The following ABCG5 variants were observed in gnomAD, a reference collection of about 807,000 sequenced individuals.
The protein encoded by ABCG5 is ATP-binding cassette sub-family G member 5.
In ABCG5, 64 loss-of-function variants were observed where a neutral mutation model predicts 64.5. That is an observed-to-expected ratio of 0.99 (90% CI 0.81 to 1.22). ABCG5 has a LOEUF of 1.22. Ranked by LOEUF, ABCG5 falls within the 50% of genes most tolerant of loss-of-function variation. ABCG5 has a pLI of 0.00. For missense variants in ABCG5, 908 were observed against 829.5 expected (o/e 1.09, Z -1.16); for synonymous variants, 385 against 326.3 (o/e 1.18, Z -1.94).
chr2:43,819,787 G>C, intron 11 of ABCG5, 128 bp downstream of exon 11: 1 of 993,232 alleles, frequency 1.0e-6, no homozygotes, highest in Non-Finnish European at 1.6e-6. Context: ...CAGTATAAAT[G>C]CTCTAGACTA....
At chr2:43,836,602 A>C (rs1668283881) in intron 2 of ABCG5, among the ~76,000 whole-genome samples, 1 of 152,186 alleles carries the variant, frequency 6.6e-6, no homozygotes, top group African/African-American at 2.4e-5. Flanking sequence ...CGTCAGCTGC[A>C]GAAGATTCAC....
intron 4 of ABCG5, 36 bp downstream of exon 4, chr2:43,831,733 T>G: frequency 1.3e-6 from 2 of 1,542,636 alleles, no homozygotes; most frequent in Non-Finnish European, 1.8e-6. Flanking sequence ...GCAAAGGTAC[T>G]CAGTTTGCCC....
At chr2:43,830,910 G>A (rs1245966625) in intron 4 of ABCG5, among the ~76,000 whole-genome samples, 4 of 152,210 alleles carry the variant, frequency 2.6e-5, no homozygotes, top group Non-Finnish European at 5.9e-5. Context: ...CATTAACTCA[G>A]TCCAGTTTGG....
At chr2:43,822,699 G>A (rs924767810) in intron 10 of ABCG5, 98 bp downstream of exon 10, 11 of 1,509,974 alleles carry the variant, frequency 7.3e-6, no homozygotes, top group Non-Finnish European at 1.8e-6. Context: ...AGATCCTCCA[G>A]AGCAGAGAAC....
At chr2:43,822,187 T>A (rs1667254248) in intron 10 of ABCG5, among the ~76,000 whole-genome samples, 1 of 152,194 alleles carries the variant, frequency 6.6e-6, no homozygotes, top group South Asian at 2.1e-4. Context: ...CCTTCCCTTC[T>A]TGTAAACCTG....
rs754944007 is a variant in ABCG5, at chr2:43,828,472, CAAAAAAAA to C, written c.502-365_502-358del. On this transcript the variant is annotated intron_variant, in intron 4 of 12. Transcript: ENST00000405322. ...GCAACAAAGAGAGACCCTGTCTCTA[CAAAAAAAA>C]AAAAAAAAAAAAAGAAAGAAAAAAA... The C allele has an allele frequency of 3.5e-3, 660 of 189,824 alleles. 7 individuals are homozygous for C. The highest frequency in any genetic ancestry group is 0.024 in the African/African-American group (556 of 23,544). 11.8% of individuals were successfully genotyped at this position (189,824 alleles called of 1,614,324 possible).
intron 5 of ABCG5, 112 bp from the exon 6 acceptor site, chr2:43,826,633 G>T: frequency 6.6e-7 from 1 of 1,511,170 alleles, no homozygotes; most frequent in Non-Finnish European, 9.1e-7. Flanking sequence ...TTCAAACAGT[G>T]TGCGGTGGGA....
chr2:43,835,057 G>A (rs898687736), intron 2 of ABCG5, among the ~76,000 whole-genome samples: 1 of 152,192 alleles, frequency 6.6e-6, no homozygotes, highest in East Asian at 1.9e-4. Flanking sequence ...TAGGTGATAA[G>A]GATACAGTAG....
At chr2:43,806,821 C>T in the ABCG5 span, among the ~76,000 whole-genome samples, 1 of 152,104 alleles carries the variant, frequency 6.6e-6, no homozygotes, top group Non-Finnish European at 1.5e-5. Context: ...CCCCACAGTA[C>T]CCATATCACC....
At chr2:43,829,115 A>C (rs1181053560) in intron 4 of ABCG5, among the ~76,000 whole-genome samples, 1 of 152,224 alleles carries the variant, frequency 6.6e-6, no homozygotes, top group South Asian at 2.1e-4. Flanking sequence ...ACTGCAGCCC[A>C]TACAGAAAAA....
Position 43,812,927 on chromosome 2 carries a change from A to G in ABCG5, c.*189T>C. 1.7e-6 allele frequency: 1 copy of G among 599,106 alleles called. No homozygotes were observed. 37.1% of individuals were successfully genotyped at this position (599,106 alleles called of 1,614,324 possible). On this transcript the variant is annotated 3_prime_UTR_variant, in exon 13 of 13. Transcript: ENST00000405322. ...CATGTCCCTGCAAGTTGTAAGAGCA[A>G]GGGACTATAAACCACTTCCATTGCA...
chr2:43,810,885 G>A (rs555673971), downstream of ABCG5, among the ~76,000 whole-genome samples: 75 of 152,308 alleles, frequency 4.9e-4, no homozygotes, highest in African/African-American at 1.7e-3. Context: ...TTCCACAAGA[G>A]TAATAGGAAT....
At chr2:43,809,981 A>C, downstream of ABCG5, 1 of 1,250,362 alleles carries the variant, frequency 8.0e-7, no homozygotes, top group Non-Finnish European at 1.0e-6. Context: ...TTTTTTTAAA[A>C]TAAAAGAATC....
At chr2:43,827,063 G>A (rs942645369) in intron 5 of ABCG5, among the ~76,000 whole-genome samples, 15 of 152,130 alleles carry the variant, frequency 9.9e-5, no homozygotes, top group Admixed American at 5.9e-4. Context: ...GGTGGCTCAC[G>A]CCTGTAATGC....
intron 2 of ABCG5, among the ~76,000 whole-genome samples, chr2:43,837,207 T>A (rs1291317272): frequency 6.7e-6 from 1 of 150,088 alleles, no homozygotes; most frequent in African/African-American, 2.4e-5. Context: ...GAAGTCTTAA[T>A]CTCCTGGGCT....
chr2:43,832,604 G>T (rs923318288), intron 2 of ABCG5: 2 of 170,618 alleles, frequency 1.2e-5, no homozygotes, highest in East Asian at 1.5e-4. Flanking sequence ...GCCTCAAGCC[G>T]CACCCAAGAC....
At chr2:43,825,223 C>CAT in intron 6 of ABCG5, among the ~76,000 whole-genome samples, 1 of 152,070 alleles carries the variant, frequency 6.6e-6, no homozygotes, top group Non-Finnish European at 1.5e-5. Flanking sequence ...GAAATGCATC[C>CAT]CTACCCTTGT....
intron 9 of ABCG5, among the ~76,000 whole-genome samples, chr2:43,823,433 G>A (rs1261317575): frequency 2.0e-5 from 3 of 152,076 alleles, no homozygotes; most frequent in Admixed American, 1.3e-4. Flanking sequence ...CCCTAACAGT[G>A]TTGCCTTTGG....
At chr2:43,830,110 G>A (rs1045543081) in intron 4 of ABCG5, among the ~76,000 whole-genome samples, 25 of 152,152 alleles carry the variant, frequency 1.6e-4, no homozygotes, top group Non-Finnish European at 3.4e-4. Flanking sequence ...AACATCATAA[G>A]GAGTAAGCTT....
Sources: gnomAD v4.1 joint callset for allele counts (sites outside exome capture counted in the v4.1 genomes callset) on GRCh38, gnomAD v4.1.1 for gene constraint, MANE v1.5 for transcripts, NCBI Gene and HGNC (gene_info 2026-07-23, HGNC 2026-07-21) for gene names.